PARD3B: variants seen among roughly 807,000 people sequenced by gnomAD.
The protein encoded by PARD3B is par-3 family cell polarity regulator beta.
A neutral mutation model predicts 130.2 loss-of-function variants in PARD3B; 103 were observed. That is an observed-to-expected ratio of 0.79 (90% confidence interval 0.67 to 0.93). PARD3B has a LOEUF of 0.93. PARD3B is among the 40% of genes least tolerant of loss of function. PARD3B has a pLI of 0.00. For missense variants in PARD3B, 1,609 were observed against 1,499.2 expected (o/e 1.07, Z -1.21); for synonymous variants, 583 against 553.2 (o/e 1.05, Z -0.76).
intron 21 of PARD3B, among the ~76,000 whole-genome samples, chr2:205,501,296 A>G (rs2050151762): frequency 6.6e-6 from 1 of 152,190 alleles, no homozygotes; most frequent in Non-Finnish European, 1.5e-5. Context: ...CTCTTTGGAG[A>G]GAGGCAGCCT....
intron 1 of PARD3B, among the ~76,000 whole-genome samples, chr2:204,582,722 T>G (rs2032625176): frequency 6.6e-6 from 1 of 152,244 alleles, no homozygotes; most frequent in Non-Finnish European, 1.5e-5. Context: ...GGAGGTTTTC[T>G]ATACAGCTTG....
chr2:205,564,587 A>T lies in PARD3B; in HGVS notation c.3260+11184A>T, dbSNP rs2053253967. 6.6e-6 allele frequency among the ~76,000 whole-genome samples: 1 copy of T among 152,088 alleles called. No individual in the cohort carries two copies. Among genetic ancestry groups the T allele is most frequent in the Admixed American group, 6.6e-5 (1 of 15,264 alleles). On this transcript the variant is annotated intron_variant, in intron 22 of 22. Transcript: ENST00000406610. This position sits in a 1 kb window ranked among gnomAD's most constrained non-coding sequence, Gnocchi z 4.6. Reference sequence around the variant, plus strand: ...TAGTTCTGGCACATCCTTAGGGGACATGGCTGAGACGCAAATGCCAGACAA... The same window carrying T: ...TAGTTCTGGCACATCCTTAGGGGACTTGGCTGAGACGCAAATGCCAGACAA...
At chr2:205,203,437 T>A (rs1455169995) in intron 15 of PARD3B, among the ~76,000 whole-genome samples, 1 of 152,108 alleles carries the variant, frequency 6.6e-6, no homozygotes, top group East Asian at 1.9e-4. Flanking sequence ...TTTATTTTTT[T>A]ACTATACTTT....
At chr2:205,432,072 G>T (rs547137733) in intron 19 of PARD3B, among the ~76,000 whole-genome samples, 1 of 152,230 alleles carries the variant, frequency 6.6e-6, no homozygotes, top group African/African-American at 2.4e-5. Flanking sequence ...ATGGGCTCTT[G>T]TGTGTTGCAA....
chr2:204,902,537 C>T (rs1273125144), intron 2 of PARD3B, among the ~76,000 whole-genome samples: 2 of 151,860 alleles, frequency 1.3e-5, no homozygotes, highest in Non-Finnish European at 2.9e-5. Context: ...GGCGTGGTGG[C>T]GGGCGCCTGC....
chr2:205,390,802 C>T (rs993453799), intron 18 of PARD3B, among the ~76,000 whole-genome samples: 10 of 152,252 alleles, frequency 6.6e-5, no homozygotes, highest in African/African-American at 1.7e-4. Flanking sequence ...CTGTTCGTTC[C>T]GATCATGGAA....
At chr2:205,519,107 A>G (rs1444299492) in intron 21 of PARD3B, among the ~76,000 whole-genome samples, 1 of 152,084 alleles carries the variant, frequency 6.6e-6, no homozygotes, top group Non-Finnish European at 1.5e-5. Context: ...AGTTATCTGT[A>G]TTTCCTGAGT....
intron 4 of PARD3B, among the ~76,000 whole-genome samples, chr2:205,054,041 T>G (rs1157758359): frequency 1.3e-5 from 2 of 152,064 alleles, no homozygotes; most frequent in African/African-American, 4.8e-5. Flanking sequence ...TTTTAAGAGA[T>G]AAAGCTGCCA....
intron 2 of PARD3B, among the ~76,000 whole-genome samples, chr2:204,719,251 T>C (rs1278132621): frequency 1.3e-5 from 2 of 152,222 alleles, no homozygotes; most frequent in African/African-American, 2.4e-5. Flanking sequence ...AATGGAATAA[T>C]TATTTCACAG....
At chr2:204,824,464 A>G (rs980328067) in intron 2 of PARD3B, among the ~76,000 whole-genome samples, 1 of 152,064 alleles carries the variant, frequency 6.6e-6, no homozygotes, top group South Asian at 2.1e-4. Flanking sequence ...GCTCTGGTGT[A>G]CTGCTTATTA....
chr2:204,766,131 T>C (rs922617736), intron 2 of PARD3B, among the ~76,000 whole-genome samples: 1 of 152,322 alleles, frequency 6.6e-6, no homozygotes, highest in Non-Finnish European at 1.5e-5. Context: ...TTATTGCCAG[T>C]GAAAGCTATC....
intron 10 of PARD3B, among the ~76,000 whole-genome samples, chr2:205,132,452 C>T (rs2032089889): frequency 6.6e-6 from 1 of 152,066 alleles, no homozygotes; most frequent in Non-Finnish European, 1.5e-5. Context: ...CCAAACTCTT[C>T]ATCTTTGAAA....
chr2:204,635,631 C>G (rs1455436278), intron 1 of PARD3B, among the ~76,000 whole-genome samples: 1 of 152,062 alleles, frequency 6.6e-6, no homozygotes, highest in Admixed American at 6.6e-5. Context: ...GGACAGACAC[C>G]TGGGCAGTGC....
intron 15 of PARD3B, among the ~76,000 whole-genome samples, chr2:205,234,777 C>A (rs576437938): frequency 1.3e-5 from 2 of 151,714 alleles, no homozygotes; most frequent in Non-Finnish European, 2.9e-5. Context: ...CAGGACATAC[C>A]GCATTCTGGA....
intron 16 of PARD3B, among the ~76,000 whole-genome samples, chr2:205,289,809 G>T (rs1050950985): frequency 1.3e-5 from 2 of 152,122 alleles, no homozygotes; most frequent in Non-Finnish European, 2.9e-5. Context: ...AGCTAGTTTG[G>T]CCATCTGTCA....
At chr2:204,847,964 T>TA (rs2044533215) in intron 2 of PARD3B, among the ~76,000 whole-genome samples, 1 of 152,194 alleles carries the variant, frequency 6.6e-6, no homozygotes, top group Non-Finnish European at 1.5e-5. Flanking sequence ...CTGCAAAAGT[T>TA]ACAATCATTC....
intron 3 of PARD3B, among the ~76,000 whole-genome samples, chr2:204,978,790 T>A (rs1575466528): frequency 6.6e-6 from 1 of 151,964 alleles, no homozygotes; most frequent in East Asian, 1.9e-4. Context: ...GGCAAAACTC[T>A]GTCTCTACTA....
chr2:205,161,185 C>T (rs1261915394), intron 11 of PARD3B, among the ~76,000 whole-genome samples: 6 of 152,174 alleles, frequency 3.9e-5, no homozygotes, highest in Non-Finnish European at 7.4e-5. Flanking sequence ...TAAGCTCAAG[C>T]AGATATTGGC....
At chr2:204,914,983 G>A (rs949746588) in intron 2 of PARD3B, among the ~76,000 whole-genome samples, 3 of 152,110 alleles carry the variant, frequency 2.0e-5, no homozygotes, top group Non-Finnish European at 4.4e-5. Context: ...CTTAACCAGA[G>A]AGATTCCCAC....
Sources: gnomAD v4.1 joint callset for allele counts (sites outside exome capture counted in the v4.1 genomes callset) on GRCh38, gnomAD v4.1.1 for gene constraint, Gnocchi (gnomAD v3.1) non-coding constraint, MANE v1.5 for transcripts, NCBI Gene and HGNC (gene_info 2026-07-23, HGNC 2026-07-21) for gene names.